The following IFT52 variants were observed in gnomAD, a reference collection of about 807,000 sequenced individuals.
The protein encoded by IFT52 is intraflagellar transport 52, also known as intraflagellar transport protein 52 homolog.
In IFT52, 44 loss-of-function variants were observed where a neutral mutation model predicts 54.4. The observed-to-expected ratio is 0.81, with a 90% CI of 0.63 to 1.04. The LOEUF is 1.04. IFT52 is among the 50% of genes least tolerant of loss of function. The probability of loss-of-function intolerance (pLI) is 0.00; values close to 1 mark genes in which losing one functional copy is unlikely to be tolerated. For missense variants in IFT52, 452 were observed against 523.6 expected, an observed-to-expected ratio of 0.86 and a Z score of 1.33; for synonymous variants, 181 against 185.3, an observed-to-expected ratio of 0.98 and a Z score of 0.19.
intron 1 of IFT52, among the ~76,000 whole-genome samples, chr20:43,592,197 C>T (rs1397104393): frequency 6.6e-6 from 1 of 152,022 alleles, no homozygotes; most frequent in Non-Finnish European, 1.5e-5. Context: ...TCTACTATGG[C>T]GCGCGCCTGT....
intron 3 of IFT52, among the ~76,000 whole-genome samples, chr20:43,602,752 C>T (rs1258073861): frequency 2.0e-5 from 3 of 152,204 alleles, no homozygotes; most frequent in South Asian, 2.1e-4. Context: ...TCAAGTGATC[C>T]GCCTACCTTG....
In IFT52 at chr20:43,635,962, C is replaced by T. The variant is rs572753787; in HGVS notation, c.960C>T (p.Leu320=). The change falls in exon 11 of 14, where the codon CTC becomes CTT. Residue 320 remains leucine (L), a synonymous_variant. Coordinates refer to ENST00000373030, the MANE Select transcript of IFT52 (RefSeq NM_016004.5). Reference sequence around the variant, plus strand: ...AGCTAAATGTGAAACATGAACCACTCCAGCTCATCCAGCCTCAGTTTGAGA... The same window carrying T: ...AGCTAAATGTGAAACATGAACCACTTCAGCTCATCCAGCCTCAGTTTGAGA... ...HEQLNVKHEP[L]QLIQPQFETP... is the part of the protein sequence containing the mutation. The T allele has an allele frequency of 6.2e-6, 10 of 1,614,202 alleles. No individual in the cohort carries two copies. The South Asian group carries it at 1.1e-4, about 18-fold the overall frequency.
intron 6 of IFT52, among the ~76,000 whole-genome samples, chr20:43,613,643 G>A (rs1232195582): frequency 2.0e-5 from 3 of 152,162 alleles, no homozygotes; most frequent in Admixed American, 1.3e-4. Flanking sequence ...TTAACTGGGC[G>A]TGATAGCAGG....
chr20:43,594,623 A>G, intron 1 of IFT52, 70 bp from the exon 2 acceptor site: 1 of 825,426 alleles, frequency 1.2e-6, no homozygotes. Flanking sequence ...GTAGAAGGCA[A>G]CTATTTATTA....
At chr20:43,627,922 GTT>G (rs554920528) in intron 10 of IFT52, among the ~76,000 whole-genome samples, 55 of 56,074 alleles carry the variant, frequency 9.8e-4, no homozygotes, top group African/African-American at 4.0e-3. Context: ...GAGAGAGAGA[GTT>G]TTTTTTTTTT....
intron 10 of IFT52, among the ~76,000 whole-genome samples, chr20:43,630,769 A>T (rs1985105724): frequency 6.6e-6 from 1 of 152,140 alleles, no homozygotes; most frequent in African/African-American, 2.4e-5. Context: ...CATTTCACAG[A>T]TTTATATTTA....
At position 43,645,022 on chromosome 20, in the gene IFT52, G is replaced by A. The variant is rs538146657; in HGVS notation, c.1267-1914G>A. Among the ~76,000 whole-genome samples, 57 of 54,804 alleles carry A rather than the reference G, an allele frequency of 1.0e-3. 21 individuals carry two copies. Among genetic ancestry groups the A allele is most frequent in the African/African-American group, 3.0e-3 (56 of 18,754 alleles). The allele number at this position is 54,804 out of a possible 152,430, so 36.0% of individuals were successfully genotyped here. ...CTCAGGAGGCTGAGGCAAGAGATTC[G>A]CTTGAACCTGGGAGGCGGAGGTTGC... On this transcript the variant is annotated intron_variant, in intron 13 of 13. Transcript: ENST00000373030.
intron 3 of IFT52, among the ~76,000 whole-genome samples, chr20:43,600,903 G>A (rs1257893759): frequency 6.6e-6 from 1 of 151,998 alleles, no homozygotes; most frequent in Non-Finnish European, 1.5e-5. Flanking sequence ...CCCAGGAGGC[G>A]AAGTTTGCAG....
intron 13 of IFT52, among the ~76,000 whole-genome samples, chr20:43,646,138 G>C: frequency 6.6e-6 from 1 of 151,168 alleles, no homozygotes; most frequent in East Asian, 2.0e-4. Context: ...ATGAACCTGG[G>C]AGGCAGAGCT....
At chr20:43,621,344 T>C (rs1984288942) in intron 9 of IFT52, among the ~76,000 whole-genome samples, 1 of 152,218 alleles carries the variant, frequency 6.6e-6, no homozygotes, top group African/African-American at 2.4e-5. Context: ...TATAATAATA[T>C]TCATCAGACA....
chr20:43,616,818 T>A (rs1983894686), intron 7 of IFT52, among the ~76,000 whole-genome samples: 1 of 152,074 alleles, frequency 6.6e-6, no homozygotes, highest in African/African-American at 2.4e-5. Flanking sequence ...GCCAGGAGTT[T>A]GATACCAGCC....
chr20:43,636,256 A>G (rs372993251), intron 11 of IFT52, among the ~76,000 whole-genome samples: 3 of 152,204 alleles, frequency 2.0e-5, no homozygotes, highest in African/African-American at 4.8e-5. Flanking sequence ...AACATTTCCT[A>G]TTCTCATCTT....
chr20:43,637,284 CAG>C, intron 12 of IFT52, 31 bp downstream of exon 12: 4 of 1,254,522 alleles, frequency 3.2e-6, no homozygotes, highest in South Asian at 1.4e-5. Context: ...TTTTTTGAGA[CAG>C]AGTTTCACTC....
chr20:43,635,350 G>T (rs938108646), intron 10 of IFT52, among the ~76,000 whole-genome samples: 2 of 151,950 alleles, frequency 1.3e-5, no homozygotes, highest in Non-Finnish European at 2.9e-5. Context: ...GAGTGCAATC[G>T]CACGATCTCT....
intron 10 of IFT52, among the ~76,000 whole-genome samples, chr20:43,634,041 C>T (rs1985358584): frequency 6.6e-6 from 1 of 151,782 alleles, no homozygotes; most frequent in Admixed American, 6.6e-5. Flanking sequence ...TGGTGGTGCA[C>T]ACTCGCTCGT....
Position 43,637,239 on chromosome 20 carries a change from A to G in IFT52, c.1106A>G (p.Gln369Arg). The part of the protein sequence containing the change: ...TFSSEKARLA[Q>R]ITNKCTEEDL... ...TCCTCTGAGAAGGCACGGCTGGCTC[A>G]GATTACCAATAAGTGTAAGTTTGGC... Residue 369 changes from glutamine to arginine, a missense_variant, in exon 12 of 14, where the codon CAG becomes CGG. By Grantham distance (43) the Gln-to-Arg change is conservative (BLOSUM62 1). Coordinates refer to ENST00000373030, the MANE Select transcript of IFT52 (RefSeq NM_016004.5). The G allele has an allele frequency of 6.4e-7, 1 of 1,569,866 alleles. No individual in the cohort carries two copies.
At chr20:43,634,214 G>GA (rs11086885) in intron 10 of IFT52, among the ~76,000 whole-genome samples, 3 of 149,640 alleles carry the variant, frequency 2.0e-5, no homozygotes, top group Admixed American at 6.7e-5. Context: ...GTGCATAAAT[G>GA]AAAAAAAAAA....
chr20:43,614,225 G>T (rs1485818906), intron 7 of IFT52, among the ~76,000 whole-genome samples: 1 of 151,926 alleles, frequency 6.6e-6, no homozygotes, highest in Non-Finnish European at 1.5e-5. Context: ...GTAGCATGAG[G>T]CTACCTGTAT....
chr20:43,599,579 C>T (rs1982263273), intron 3 of IFT52, among the ~76,000 whole-genome samples: 1 of 152,112 alleles, frequency 6.6e-6, no homozygotes. Flanking sequence ...CTTTGTGTTA[C>T]AGTTCTTCCA....
Sources: gnomAD v4.1 joint callset for allele counts (sites outside exome capture counted in the v4.1 genomes callset) on GRCh38, gnomAD v4.1.1 for gene constraint, MANE v1.5 for transcripts, NCBI Gene and HGNC (gene_info 2026-07-23, HGNC 2026-07-21) for gene names.